Variants in PUDP observed in about 807,000 individuals in gnomAD.
PUDP encodes the protein pseudouridine-5'-phosphatase.
In PUDP, 8 loss-of-function variants were observed where a neutral mutation model predicts 9.4. That is an observed-to-expected ratio of 0.85 (90% CI 0.50 to 1.53). The LOEUF is 1.53. Among genes scored for constraint, PUDP ranks in the 40% most tolerant of loss-of-function variants. The probability of loss-of-function intolerance (pLI) is 0.00; values close to 1 mark genes in which losing one functional copy is unlikely to be tolerated. For synonymous variants in PUDP, 99 were observed against 80.7 expected, an observed-to-expected ratio of 1.23 and a Z score of -1.22; for missense variants, 188 against 189.7, an observed-to-expected ratio of 0.99 and a Z score of 0.05.
At chrX:6,939,544 G>A (rs965435197) in intron 3 of PUDP, among the ~76,000 whole-genome samples, 9 of 109,245 alleles carry the variant, frequency 8.2e-5, no homozygotes, top group Admixed American at 2.0e-4. Context: ...ATTACAACTC[G>A]GAAATCTTAT....
intron 3 of PUDP, among the ~76,000 whole-genome samples, chrX:6,920,434 T>G (rs1928004790): frequency 9.0e-6 from 1 of 111,500 alleles, no homozygotes. Flanking sequence ...CTGTGCATTC[T>G]GTGGAAGGAA....
intron 3 of PUDP, among the ~76,000 whole-genome samples, chrX:6,733,657 G>A (rs969285130): frequency 9.1e-6 from 1 of 110,089 alleles, no homozygotes; most frequent in Non-Finnish European, 1.9e-5. Flanking sequence ...GGAAAGGTTT[G>A]GCTGCGGATC....
intron 3 of PUDP, among the ~76,000 whole-genome samples, chrX:6,958,546 A>T (rs1443180922): frequency 9.0e-6 from 1 of 110,876 alleles, no homozygotes; most frequent in East Asian, 2.8e-4. Flanking sequence ...TACTTTTTAC[A>T]ATGGTGAAAC....
intron 3 of PUDP, among the ~76,000 whole-genome samples, chrX:6,791,167 G>A (rs1385518816): frequency 9.1e-6 from 1 of 109,611 alleles, no homozygotes; most frequent in Middle Eastern, 4.3e-3. Context: ...AACAGCCTGG[G>A]CAACATGGTG....
intron 3 of PUDP, among the ~76,000 whole-genome samples, chrX:6,967,883 C>G (rs902152239): frequency 1.8e-5 from 2 of 112,009 alleles, no homozygotes; most frequent in African/African-American, 6.5e-5. Context: ...GATCCTAAAA[C>G]CCCCATTCCA....
chrX:6,877,913 G>T (rs1927289653), intron 3 of PUDP, among the ~76,000 whole-genome samples: 3 of 112,000 alleles, frequency 2.7e-5, no homozygotes, highest in Admixed American at 9.5e-5. Flanking sequence ...TGCCATGGGG[G>T]AGGTGAAGGG....
intron 1 of PUDP, 53 bp from the exon 2 acceptor site, chrX:7,105,891 T>C: frequency 1.2e-6 from 1 of 861,230 alleles, no homozygotes; most frequent in South Asian, 2.5e-5. Flanking sequence ...GAACAGTAAG[T>C]TTGTATCAGG....
At chrX:6,973,075 G>A (rs1252743625) in intron 3 of PUDP, among the ~76,000 whole-genome samples, 1 of 111,778 alleles carries the variant, frequency 8.9e-6, no homozygotes, top group Non-Finnish European at 1.9e-5. Flanking sequence ...ATTTTTTATT[G>A]TGTCTATTTG....
At chrX:7,038,627 G>T (rs1405077349) in intron 1 of PUDP, among the ~76,000 whole-genome samples, 1 of 111,156 alleles carries the variant, frequency 9.0e-6, no homozygotes, top group Non-Finnish European at 1.9e-5. Context: ...GCAATGGGTA[G>T]GGAAAAAAAG....
chrX:6,845,869 T>C (rs149016882), intron 3 of PUDP, among the ~76,000 whole-genome samples: 1,570 of 111,835 alleles, frequency 0.014, 17 homozygotes, highest in African/African-American at 0.047. Context: ...CCTTTTAGGA[T>C]GTTGCTACCT....
intron 3 of PUDP, among the ~76,000 whole-genome samples, chrX:6,734,383 T>C (rs181303360): frequency 1.9e-4 from 21 of 112,325 alleles, no homozygotes; most frequent in African/African-American, 5.5e-4. Flanking sequence ...AATGAGATGA[T>C]GGATATGTTA....
At chrX:6,862,300 C>A (rs1351484819) in intron 3 of PUDP, among the ~76,000 whole-genome samples, 1 of 111,792 alleles carries the variant, frequency 8.9e-6, no homozygotes, top group Non-Finnish European at 1.9e-5. Flanking sequence ...TCTGTTCTGG[C>A]AATATGTCTC....
intron 3 of PUDP, among the ~76,000 whole-genome samples, chrX:6,876,456 A>C (rs1021054822): frequency 9.1e-6 from 1 of 109,365 alleles, no homozygotes; most frequent in African/African-American, 3.3e-5. Flanking sequence ...ACAGTCACAC[A>C]CATATATATG....
Position 7,014,408 on chromosome X carries a change from T to C in PUDP, c.205-36065A>G, listed in dbSNP as rs771463676. ...TGTGGTCACAACATGAACCCAGAATTTGGAGGTTGGAAAGTAGGAGTGAAT... is the reference window on the plus strand; with the variant it reads ...TGTGGTCACAACATGAACCCAGAATCTGGAGGTTGGAAAGTAGGAGTGAAT... On this transcript the variant is annotated intron_variant and NMD_transcript_variant, in intron 1 of 3. Transcript: ENST00000655425. 2.2e-3 allele frequency among the ~76,000 whole-genome samples: 249 copies of C among 110,720 alleles called. 2 individuals are homozygous for C. Among genetic ancestry groups the C allele is most frequent in the African/African-American group, 7.7e-3 (233 of 30,316 alleles).
intron 3 of PUDP, among the ~76,000 whole-genome samples, chrX:6,886,116 C>A (rs1927418727): frequency 8.9e-6 from 1 of 112,022 alleles, no homozygotes; most frequent in African/African-American, 3.2e-5. Flanking sequence ...TCCAGAAGCA[C>A]CTATGCAAAT....
intron 3 of PUDP, among the ~76,000 whole-genome samples, chrX:6,930,283 C>G (rs1450568801): frequency 9.0e-6 from 1 of 111,207 alleles, no homozygotes; most frequent in Non-Finnish European, 1.9e-5. Flanking sequence ...GACAGGAGGT[C>G]AGCAGGACTG....
At chrX:6,779,125 G>C (rs920639939) in intron 3 of PUDP, among the ~76,000 whole-genome samples, 6 of 111,980 alleles carry the variant, frequency 5.4e-5, no homozygotes, top group South Asian at 3.8e-4. Flanking sequence ...CAGGGGGAGG[G>C]GAATGCGGCA....
chrX:6,833,410 T>C (rs1272427895), intron 3 of PUDP, among the ~76,000 whole-genome samples: 1 of 110,826 alleles, frequency 9.0e-6, no homozygotes, highest in Non-Finnish European at 1.9e-5. Flanking sequence ...AATGGATGGA[T>C]GGATAAATAG....
chrX:7,047,697 A>G (rs1304037207), downstream of PUDP, among the ~76,000 whole-genome samples: 1 of 112,377 alleles, frequency 8.9e-6, no homozygotes, highest in Non-Finnish European at 1.9e-5. Context: ...ATAGTTCTAG[A>G]GATTGCTTGT....
Sources: allele counts gnomAD v4.1 joint callset (sites outside exome capture counted in the v4.1 genomes callset), GRCh38; gene constraint gnomAD v4.1.1; transcripts MANE v1.5; gene names NCBI Gene and HGNC (gene_info 2026-07-23, HGNC 2026-07-21).